PDE10A: variants seen among roughly 807,000 people sequenced by gnomAD.
The protein encoded by PDE10A is phosphodiesterase 10A, also known as cAMP and cAMP-inhibited cGMP 3',5'-cyclic phosphodiesterase 10A.
Under a neutral mutation model 97.7 loss-of-function variants are expected in PDE10A, and 39 were observed. The ratio of observed to expected loss-of-function variants is 0.40; its 90% confidence interval spans 0.31 to 0.52. The LOEUF (loss-of-function observed/expected upper bound fraction) is 0.52, where lower values mean the gene tolerates loss of function less well. PDE10A is among the 20% of genes least tolerant of loss of function. PDE10A has a pLI of 0.56. For synonymous variants in PDE10A, 371 were observed against 376.8 expected (o/e 0.98, Z 0.18); for missense variants, 731 against 1,047.8 (o/e 0.70, Z 4.17).
intron 21 of PDE10A, among the ~76,000 whole-genome samples, chr6:165,333,429 G>A (rs1004936351): frequency 4.6e-5 from 7 of 152,148 alleles, no homozygotes; most frequent in African/African-American, 1.7e-4. Context: ...CTTGAACAGG[G>A]AAAGAGCCCT....
At chr6:165,803,391 G>A (rs1048678911) in intron 1 of PDE10A, among the ~76,000 whole-genome samples, 4 of 152,128 alleles carry the variant, frequency 2.6e-5, no homozygotes, top group Non-Finnish European at 5.9e-5. Flanking sequence ...TACATATTTA[G>A]CTACACTTTT....
rs901179301 is a variant in PDE10A, at chr6:165,403,365, C to T, written c.2077-6906G>A. Among the ~76,000 whole-genome samples the T allele has an allele frequency of 8.5e-5, 13 of 152,098 alleles. 1 individual carries two copies. The highest frequency in any genetic ancestry group is 2.2e-4 in the African/African-American group (9 of 41,408). On this transcript the variant is annotated intron_variant, in intron 13 of 21. Coordinates refer to ENST00000539869, the MANE Select transcript of PDE10A (RefSeq NM_001385079.1). ...CTTCCCAACTCTGCATTCATTATGG[C>T]GCATGGGTAGCTTGAAATTGTCCAT...
At chr6:165,403,843 T>C (rs1786881823) in intron 13 of PDE10A, among the ~76,000 whole-genome samples, 1 of 152,206 alleles carries the variant, frequency 6.6e-6, no homozygotes, top group Non-Finnish European at 1.5e-5. Flanking sequence ...TTTTTGTGCC[T>C]GGATAATTTT....
chr6:165,799,097 G>A (rs1778909591), intron 1 of PDE10A, among the ~76,000 whole-genome samples: 1 of 152,218 alleles, frequency 6.6e-6, no homozygotes, highest in South Asian at 2.1e-4. Flanking sequence ...GGAAACATCA[G>A]CCACTGCAAT....
At chr6:165,859,790 T>C (rs1045630190) in intron 1 of PDE10A, among the ~76,000 whole-genome samples, 1 of 152,216 alleles carries the variant, frequency 6.6e-6, no homozygotes, top group African/African-American at 2.4e-5. Context: ...TTTATCACAG[T>C]TTCTTTATGC....
At chr6:165,698,011 G>T (rs1791481443) in intron 1 of PDE10A, among the ~76,000 whole-genome samples, 1 of 152,154 alleles carries the variant, frequency 6.6e-6, no homozygotes, top group South Asian at 2.1e-4. Context: ...GAGCACCTCA[G>T]AATGTTATTT....
At chr6:165,872,125 T>A (rs76026301) in intron 1 of PDE10A, among the ~76,000 whole-genome samples, 3,252 of 152,316 alleles carry the variant, frequency 0.021, 112 homozygotes, top group African/African-American at 0.072. Flanking sequence ...AGAGCATGCC[T>A]TTATGAAACA....
intron 1 of PDE10A, among the ~76,000 whole-genome samples, chr6:165,925,971 G>C (rs1360675849): frequency 5.3e-5 from 8 of 152,104 alleles, no homozygotes; most frequent in Admixed American, 2.0e-4. Flanking sequence ...GCTGCCATTG[G>C]GGGGAACTGC....
chr6:165,339,395 T>C (rs1394743790), intron 19 of PDE10A, 37 bp from the exon 20 acceptor site: 2 of 1,196,498 alleles, frequency 1.7e-6, no homozygotes, highest in East Asian at 4.7e-5. Flanking sequence ...CTTTCTCAAA[T>C]TTCAAATTGC....
At chr6:165,562,549 T>C (rs955465455) in intron 1 of PDE10A, among the ~76,000 whole-genome samples, 1 of 152,254 alleles carries the variant, frequency 6.6e-6, no homozygotes, top group Non-Finnish European at 1.5e-5. Flanking sequence ...TTTTTTTGTT[T>C]AGCATCTACA....
intron 1 of PDE10A, among the ~76,000 whole-genome samples, chr6:165,882,200 T>C (rs769375725): frequency 1.0e-3 from 152 of 152,230 alleles, no homozygotes; most frequent in Non-Finnish European, 7.8e-4. Context: ...TTGATTCTCA[T>C]GGTCGCATGA....
chr6:165,475,176 C>T (rs1024108588), intron 3 of PDE10A, among the ~76,000 whole-genome samples: 22 of 152,158 alleles, frequency 1.4e-4, no homozygotes, highest in Admixed American at 7.2e-4. Context: ...TTGCCCTAAC[C>T]GAAACCTTCT....
At chr6:165,733,151 T>A (rs1196822680) in intron 1 of PDE10A, among the ~76,000 whole-genome samples, 1 of 152,218 alleles carries the variant, frequency 6.6e-6, no homozygotes, top group East Asian at 1.9e-4. Context: ...GGCTCAGTGA[T>A]CCTAGTAACC....
rs1033213263 is a variant in PDE10A, at chr6:165,367,802, AAAAAAACAAAAAC to A, written c.2783+11379_2783+11391del. Among the ~76,000 whole-genome samples the A allele has an allele frequency of 2.0e-4, 30 of 151,904 alleles. No homozygotes were observed. In the South Asian group the frequency reaches 5.4e-3, roughly 27 times the overall value. On this transcript the variant is annotated intron_variant, in intron 18 of 21. Transcript: ENST00000539869. ...CACAATAAAGCCATTCTTAGATTAA[AAAAAAACAAAAAC>A]AAAAAACAAAAACAAAAAAACACCT...
At chr6:165,453,649 AC>A (rs1777768393) in intron 3 of PDE10A, among the ~76,000 whole-genome samples, 1 of 152,234 alleles carries the variant, frequency 6.6e-6, no homozygotes, top group South Asian at 2.1e-4. Context: ...GAGGGCACAA[AC>A]AGTAAGTCAT....
chr6:165,772,504 G>C (rs1331118609), intron 1 of PDE10A, among the ~76,000 whole-genome samples: 2 of 152,118 alleles, frequency 1.3e-5, no homozygotes, highest in African/African-American at 4.8e-5. Context: ...CCTCTCCTGT[G>C]TCCAGGGCCC....
rs1051966326 is a variant in PDE10A, at chr6:165,739,960, A to G, written c.-614-196392T>C. ...TTATTTATAAAAGACAAAAATTAGC[A>G]AGTATTGGCAAGGATGTGGGAAAAG... On this transcript the variant is annotated intron_variant, in intron 1 of 19. Transcript: ENST00000366882. Among the ~76,000 whole-genome samples the G allele has an allele frequency of 2.0e-5, 3 of 152,332 alleles. No homozygotes were observed. The East Asian group carries it at 5.8e-4, about 29-fold the overall frequency.
chr6:165,398,070 T>C (rs1202709358), intron 13 of PDE10A, among the ~76,000 whole-genome samples: 1 of 152,248 alleles, frequency 6.6e-6, no homozygotes, highest in African/African-American at 2.4e-5. Context: ...TTAAATGTTA[T>C]TAATCATCAA....
chr6:165,920,784 A>G (rs12525604), intron 1 of PDE10A, among the ~76,000 whole-genome samples: 22,209 of 152,144 alleles, frequency 0.15, 1,870 homozygotes, highest in East Asian at 0.26. Context: ...TTCACTCTGA[A>G]TAACACACTA....
Sources: allele counts gnomAD v4.1 joint callset (sites outside exome capture counted in the v4.1 genomes callset), GRCh38; gene constraint gnomAD v4.1.1; transcripts MANE v1.5; gene names NCBI Gene and HGNC (gene_info 2026-07-23, HGNC 2026-07-21).